GTF2IRD2: variants seen among roughly 807,000 people sequenced by gnomAD.
The protein encoded by GTF2IRD2 is GTF2I repeat domain containing 2.
In GTF2IRD2, 8 loss-of-function variants were observed where a neutral mutation model predicts 49.2. The ratio of observed to expected loss-of-function variants is 0.16; its 90% CI spans 0.10 to 0.29. GTF2IRD2 has a LOEUF of 0.29. GTF2IRD2 is among the 10% of genes least tolerant of loss of function. The pLI is 1.00. For missense variants in GTF2IRD2, 130 were observed against 725.7 expected (o/e 0.18, Z 9.43); for synonymous variants, 47 against 289.7 (o/e 0.16, Z 8.51).
chr7:74,840,067 CTTTT>C (rs1165672995), intron 1 of GTF2IRD2, among the ~76,000 whole-genome samples: 34 of 70,036 alleles, frequency 4.9e-4, no homozygotes, highest in Middle Eastern at 0.02. Context: ...GGTCCTATGT[CTTTT>C]TTTTTTTTTT....
chr7:74,840,067 CT>C lies in GTF2IRD2; in HGVS notation c.-5-3685del, dbSNP rs1165672995. Among the ~76,000 whole-genome samples, 449 of 70,078 alleles carry C rather than the reference CT, an allele frequency of 6.4e-3. 1 individual carries two copies. The highest frequency in any genetic ancestry group is 0.02 in the Middle Eastern group (1 of 50). The allele number at this position is 70,078 out of a possible 152,430, so 46.0% of individuals were successfully genotyped here. ...ACCCCTGGTGATGAAGGTCCTATGTCTTTTTTTTTTTTTTTTTTTTTTTGAG... is the reference window on the plus strand; with the variant it reads ...ACCCCTGGTGATGAAGGTCCTATGTCTTTTTTTTTTTTTTTTTTTTTTGAG... On this transcript the variant is annotated intron_variant, in intron 1 of 15. Coordinates refer to ENST00000451013, the MANE Select transcript of GTF2IRD2 (RefSeq NM_173537.5).
chr7:74,800,649 T>G (rs1192107067), intron 15 of GTF2IRD2, among the ~76,000 whole-genome samples: 2 of 44 alleles, frequency 0.045, no homozygotes, highest in Non-Finnish European at 0.071. Context: ...TTTAACAGGG[T>G]GGGGGCGGGG....
chr7:74,841,616 A>C lies in GTF2IRD2; in HGVS notation c.-5-5233T>G, dbSNP rs1800839562. Among the ~76,000 whole-genome samples the C allele has an allele frequency of 1.4e-5, 2 of 141,810 alleles. 1 individual carries two copies. Among genetic ancestry groups the C allele is most frequent in the African/African-American group, 5.8e-5 (2 of 34,274 alleles). The allele number at this position is 141,810 out of a possible 152,430, so 93.0% of individuals were successfully genotyped here. On this transcript the variant is annotated intron_variant, in intron 1 of 15. Transcript: ENST00000451013. ...ACTGGGATTACAGCTGCAAGCCACT[A>C]CACCTGGCTCAATCAACTACTTCCT...
intron 7 of GTF2IRD2, 50 bp downstream of exon 7, chr7:74,819,919 C>G: frequency 1.2e-6 from 2 of 1,603,318 alleles, no homozygotes; most frequent in South Asian, 1.1e-5. Context: ...CATCCAAAAA[C>G]GAACGCTGTG....
At chr7:74,822,293 AC>A (rs1798974919) in intron 6 of GTF2IRD2, 133 bp downstream of exon 6, 7 of 1,287,734 alleles carry the variant, frequency 5.4e-6, no homozygotes, top group Non-Finnish European at 7.8e-6. Flanking sequence ...TTTGTGATCC[AC>A]CTGCCTCAGC....
chr7:74,838,385 T>C (rs1272150566), intron 1 of GTF2IRD2, among the ~76,000 whole-genome samples: 1 of 127,532 alleles, frequency 7.8e-6, no homozygotes, highest in Non-Finnish European at 1.5e-5. Context: ...CAAGATTTTT[T>C]TTTTTTTTTT....
At chr7:74,836,625 GCGCAATCACAGCT>G (rs1379532306) in intron 1 of GTF2IRD2, among the ~76,000 whole-genome samples, 2 of 152,106 alleles carry the variant, frequency 1.3e-5, no homozygotes, top group African/African-American at 4.8e-5. Context: ...GAGTGCAGTG[GCGCAATCACAGCT>G]TACTGTAACC....
In GTF2IRD2 at chr7:74,822,420, C is replaced by G. The variant is rs1554418813; in HGVS notation, c.571+7G>C. On this transcript the variant is annotated splice_region_variant and intron_variant, in intron 6 of 15. Transcript: ENST00000451013. ...AGAGCCACCAAACCTGAGAAGCTGT[C>G]ACTTACCCAGCTGACTCTCTGGTCC... 4 of 758,462 alleles carry G rather than the reference C, an allele frequency of 5.3e-6. No homozygotes were observed. Among genetic ancestry groups the G allele is most frequent in the Non-Finnish European group, 6.6e-6 (3 of 451,936 alleles). The allele number at this position is 758,462 out of a possible 1,614,324, so 47.0% of individuals were successfully genotyped here.
At position 74,822,809 on chromosome 7, in the gene GTF2IRD2, T is replaced by C; in HGVS notation, c.359-2A>G. 6.5e-7 allele frequency: 1 copy of C among 1,544,306 alleles called. No individual in the cohort carries two copies. On this transcript the variant is annotated splice_acceptor_variant, in intron 4 of 15. Transcript: ENST00000451013. LOFTEE classifies it high-confidence loss of function. ...TCACTGTTGTCCCTAAGGCTTTACC[T>C]ACAAGAAGACGCAAACGTCTTTGGA...
At chr7:74,825,337 C>T (rs1410341585) in intron 3 of GTF2IRD2, among the ~76,000 whole-genome samples, 1 of 118,464 alleles carries the variant, frequency 8.4e-6, no homozygotes, top group Non-Finnish European at 1.7e-5. Context: ...GATCGAAGTT[C>T]CCGGCAGCCT....
In GTF2IRD2 at chr7:74,831,504, T is replaced by TACACACACACAC. The variant is rs4029807; in HGVS notation, c.238+1289_238+1300dup. On this transcript the variant is annotated intron_variant, in intron 3 of 15. Coordinates refer to ENST00000451013, the MANE Select transcript of GTF2IRD2 (RefSeq NM_173537.5). ...CCATAGAGACCCCTCTCTCTGTACA[T>TACACACACACAC]ACACACACACACACACACACACACA... Among the ~76,000 whole-genome samples the TACACACACACAC allele has an allele frequency of 6.0e-3, 717 of 119,356 alleles. 4 individuals are homozygous for TACACACACACAC. The highest frequency in any genetic ancestry group is 0.028 in the Middle Eastern group (6 of 214). 78.3% of individuals were successfully genotyped at this position (119,356 alleles called of 152,430 possible). A position where few individuals can be genotyped will look rare whatever the true frequency, so the allele number is the denominator to read the frequency against.
At chr7:74,827,231 TG>T (rs1441990770) in intron 3 of GTF2IRD2, among the ~76,000 whole-genome samples, 1 of 150,890 alleles carries the variant, frequency 6.6e-6, no homozygotes, top group Non-Finnish European at 1.5e-5. Flanking sequence ...TGGGGGTTTA[TG>T]TTTAGTTCTT....
intron 1 of GTF2IRD2, among the ~76,000 whole-genome samples, chr7:74,842,545 T>C (rs1162486488): frequency 6.9e-6 from 1 of 143,886 alleles, no homozygotes; most frequent in Non-Finnish European, 1.5e-5. Flanking sequence ...TTTTTAAATT[T>C]TTATTTATTT....
rs1798020612 is a variant in GTF2IRD2 at position 74,809,874 on chromosome 7, G to T, written c.806-701C>A. On this transcript the variant is annotated intron_variant, in intron 10 of 15. Transcript: ENST00000451013. ...AATGGTGCGATTTCGGCTCACTGCA[G>T]CCTCCGCCTCCTAGTTTCAAGCAAT... Among the ~76,000 whole-genome samples, 3 of 98,420 alleles carry T rather than the reference G, an allele frequency of 3.0e-5. No individual in the cohort carries two copies. The Admixed American group carries it at 3.6e-4, about 12-fold the overall frequency. 64.6% of individuals were successfully genotyped at this position (98,420 alleles called of 152,430 possible).
At chr7:74,821,896 T>A (rs184844468) in intron 6 of GTF2IRD2, 1,381 of 53,052 alleles carry the variant, frequency 0.026, 32 homozygotes, top group East Asian at 0.024. Flanking sequence ...TTTCTTTTTT[T>A]AAAAAATATT....
At chr7:74,822,116 C>T (rs1249731225) in intron 6 of GTF2IRD2, 3 of 294,020 alleles carry the variant, frequency 1.0e-5, no homozygotes, top group Non-Finnish European at 1.9e-5. Context: ...GCGCGATCTC[C>T]GCTCACTGCA....
At chr7:74,836,032 A>T (rs1336238769) in intron 2 of GTF2IRD2, among the ~76,000 whole-genome samples, 2 of 132,132 alleles carry the variant, frequency 1.5e-5, no homozygotes, top group Non-Finnish European at 3.0e-5. Flanking sequence ...GGTGCCTATA[A>T]TCCCAGCTAC....
At chr7:74,826,042 C>A (rs1318564646) in intron 3 of GTF2IRD2, among the ~76,000 whole-genome samples, 1 of 151,678 alleles carries the variant, frequency 6.6e-6, no homozygotes, top group African/African-American at 2.4e-5. Flanking sequence ...GCCTCGGCCT[C>A]CCAAAGTGCT....
At chr7:74,842,205 C>T (rs1800895080) in intron 1 of GTF2IRD2, among the ~76,000 whole-genome samples, 1 of 127,398 alleles carries the variant, frequency 7.8e-6, no homozygotes, top group South Asian at 2.7e-4. Flanking sequence ...AACCACTGAA[C>T]AGTACACTTT....
Sources: allele counts gnomAD v4.1 joint callset (sites outside exome capture counted in the v4.1 genomes callset), GRCh38; gene constraint gnomAD v4.1.1; transcripts MANE v1.5; gene names NCBI Gene and HGNC (gene_info 2026-07-23, HGNC 2026-07-21).